MARK1: variants seen among roughly 807,000 people sequenced by gnomAD.
MARK1 encodes the protein serine/threonine-protein kinase MARK1.
A neutral mutation model predicts 96.3 loss-of-function variants in MARK1; 40 were observed. The observed-to-expected ratio is 0.42, with a 90% CI of 0.32 to 0.54. The LOEUF (loss-of-function observed/expected upper bound fraction) is 0.54. Among genes scored for constraint, MARK1 ranks in the 20% least tolerant of loss-of-function variants. The pLI, the probability that MARK1 is intolerant of heterozygous loss-of-function variation, is 0.16. For synonymous variants in MARK1, 317 were observed against 341.2 expected (o/e 0.93, Z 0.78); for missense variants, 719 against 984.6 (o/e 0.73, Z 3.61).
chr1:220,604,880 A>G (rs1249200040), intron 6 of MARK1, among the ~76,000 whole-genome samples: 2 of 152,136 alleles, frequency 1.3e-5, no homozygotes, highest in African/African-American at 4.8e-5. Context: ...TAAATTGTAA[A>G]TTGTTCATAA....
At chr1:220,536,264 T>G (rs1660674324) in intron 1 of MARK1, among the ~76,000 whole-genome samples, 2 of 152,136 alleles carry the variant, frequency 1.3e-5, no homozygotes. Context: ...TATTTTTTTC[T>G]TGTCTAACTG....
chr1:220,530,821 G>T (rs1273878917), intron 1 of MARK1, among the ~76,000 whole-genome samples: 1 of 152,076 alleles, frequency 6.6e-6, no homozygotes, highest in Non-Finnish European at 1.5e-5. Context: ...GCCTTATTGT[G>T]TTGTACATAA....
chr1:220,572,441 C>G (rs577663699), intron 1 of MARK1, among the ~76,000 whole-genome samples: 8 of 152,216 alleles, frequency 5.3e-5, no homozygotes, highest in African/African-American at 1.7e-4. Flanking sequence ...CGGGGTTTCT[C>G]CATGTTGGTC....
At chr1:220,635,268 A>C in intron 11 of MARK1, 108 bp from the exon 12 acceptor site, 1 of 1,079,208 alleles carries the variant, frequency 9.3e-7, no homozygotes. Context: ...AGTTTGGATT[A>C]CTTCTTGTAT....
chr1:220,548,636 G>A (rs1185698854), intron 1 of MARK1, among the ~76,000 whole-genome samples: 1 of 152,148 alleles, frequency 6.6e-6, no homozygotes, highest in African/African-American at 2.4e-5. Flanking sequence ...CTACTTGGGA[G>A]GCTGAGGCAG....
chr1:220,637,305 A>AG lies in MARK1; in HGVS notation c.1470+1281dup, dbSNP rs1668021080. Among the ~76,000 whole-genome samples, 3 of 152,210 alleles carry AG rather than the reference A, an allele frequency of 2.0e-5. 1 individual carries two copies. In the South Asian group the frequency reaches 6.2e-4, roughly 32 times the overall value. On this transcript the variant is annotated intron_variant, in intron 13 of 17. Coordinates refer to ENST00000366917, the MANE Select transcript of MARK1 (RefSeq NM_018650.5). ...AACTCTGAATAGTATCCAGGGCATA[A>AG]GGATAGAGGTGGAGATTAAAGAAAT...
At chr1:220,555,379 G>A (rs1268875774) in intron 1 of MARK1, among the ~76,000 whole-genome samples, 1 of 152,132 alleles carries the variant, frequency 6.6e-6, no homozygotes, top group Non-Finnish European at 1.5e-5. Flanking sequence ...GAATTCTTAG[G>A]GGTAAGGAGG....
chr1:220,653,259 CT>C lies in MARK1; in HGVS notation c.1897del (p.Ser633HisfsTer20). The C allele has an allele frequency of 6.2e-7, 1 of 1,614,222 alleles. No homozygotes were observed. The highest frequency in any genetic ancestry group is 8.5e-7 in the Non-Finnish European group (1 of 1,180,046). ...AGCGTTGCTTATAATGGGCCACCTG[CT>C]TCACCATCCCATGAAACGGGTGCAT... is the stretch of plus-strand genomic sequence containing the variant. ...RRSVAYNGPP[A>X]SPSHETGAFA... On this transcript the variant is annotated frameshift_variant, in exon 16 of 18. Transcript: ENST00000366917. LOFTEE classifies it high-confidence loss of function.
At chr1:220,650,793 A>G (rs1043393849) in intron 14 of MARK1, 73 bp downstream of exon 14, 1 of 1,034,890 alleles carries the variant, frequency 9.7e-7, no homozygotes, top group African/African-American at 1.6e-5. Flanking sequence ...AAATGCCTGC[A>G]GCCGAATGGG....
intron 11 of MARK1, 40 bp from the exon 12 acceptor site, chr1:220,635,336 T>A: frequency 1.3e-6 from 2 of 1,513,834 alleles, no homozygotes; most frequent in Non-Finnish European, 1.8e-6. Flanking sequence ...TTTTTTTTTT[T>A]TTTTTTGCTT....
intron 1 of MARK1, among the ~76,000 whole-genome samples, chr1:220,537,907 G>A (rs1187907790): frequency 9.2e-5 from 14 of 151,504 alleles, no homozygotes; most frequent in Non-Finnish European, 1.5e-4. Context: ...GTCTGTTCAT[G>A]TCCTTTGCCC....
In MARK1 at chr1:220,556,503, A is replaced by AAC. The variant is rs1553316289; in HGVS notation, c.52-22850_52-22849insCA. 1.2e-3 allele frequency among the ~76,000 whole-genome samples: 169 copies of AAC among 142,606 alleles called. 3 individuals are homozygous for AAC. The highest frequency in any genetic ancestry group is 1.8e-3 in the South Asian group (8 of 4,508). 93.6% of individuals were successfully genotyped at this position (142,606 alleles called of 152,430 possible). On this transcript the variant is annotated intron_variant, in intron 1 of 17. Coordinates refer to ENST00000366917, the MANE Select transcript of MARK1 (RefSeq NM_018650.5). ...ACTGTCACAAAAAAAAAAAAAAAAA[A>AAC]AAACAAATTACAGATTTCATGAGGA...
chr1:220,656,261 G>A (rs1335335579), intron 16 of MARK1, among the ~76,000 whole-genome samples: 1 of 152,180 alleles, frequency 6.6e-6, no homozygotes, highest in Non-Finnish European at 1.5e-5. Context: ...TTGCCAAGTA[G>A]CAGAAATTTT....
intron 3 of MARK1, among the ~76,000 whole-genome samples, chr1:220,586,011 A>ACGCGCGCG (rs1553322975): frequency 2.2e-4 from 33 of 148,636 alleles, no homozygotes; most frequent in Non-Finnish European, 3.3e-4. Context: ...ACACACACAC[A>ACGCGCGCG]CGCGCGCGTG....
intron 6 of MARK1, among the ~76,000 whole-genome samples, chr1:220,613,258 C>A (rs1666557062): frequency 6.6e-6 from 1 of 152,094 alleles, no homozygotes; most frequent in African/African-American, 2.4e-5. Flanking sequence ...GAAATTGTTC[C>A]CTGCTAAGCA....
At chr1:220,540,907 G>A (rs1005854133) in intron 1 of MARK1, among the ~76,000 whole-genome samples, 1 of 150,750 alleles carries the variant, frequency 6.6e-6, no homozygotes, top group African/African-American at 2.4e-5. Flanking sequence ...TTGGGGTGTT[G>A]AGTTAGATTA....
intron 14 of MARK1, among the ~76,000 whole-genome samples, chr1:220,651,769 AGAT>A (rs1345068706): frequency 6.6e-6 from 1 of 152,158 alleles, no homozygotes; most frequent in Non-Finnish European, 1.5e-5. Flanking sequence ...TTTTTTTCAT[AGAT>A]GATAGTGATA....
chr1:220,569,721 G>GATCT (rs1663309650), intron 1 of MARK1, among the ~76,000 whole-genome samples: 2 of 151,968 alleles, frequency 1.3e-5, no homozygotes, highest in African/African-American at 4.8e-5. Context: ...TTTGCATTTA[G>GATCT]ATCTATTCCT....
intron 9 of MARK1, chr1:220,627,081 G>C: frequency 1.9e-6 from 1 of 531,296 alleles, no homozygotes; most frequent in South Asian, 1.4e-5. Context: ...AATGGTACTT[G>C]GAGAAGATAA....
Sources: allele counts gnomAD v4.1 joint callset (sites outside exome capture counted in the v4.1 genomes callset), GRCh38; gene constraint gnomAD v4.1.1; transcripts MANE v1.5; gene names NCBI Gene and HGNC (gene_info 2026-07-23, HGNC 2026-07-21).